MDGA2: variants seen among roughly 807,000 people sequenced by gnomAD.
The protein encoded by MDGA2 is MAM domain containing glycosylphosphatidylinositol anchor 2.
In MDGA2, 40 loss-of-function variants were observed where a neutral mutation model predicts 117.8. That is an observed-to-expected ratio of 0.34 (90% CI 0.26 to 0.44). The LOEUF is 0.44. Ranked by LOEUF, MDGA2 falls within the 20% of genes least tolerant of loss-of-function variation. The probability of loss-of-function intolerance (pLI) is 1.00; values close to 1 mark genes in which losing one functional copy is unlikely to be tolerated. For missense variants in MDGA2, 1,123 were observed against 1,250.6 expected (o/e 0.90, Z 1.54); for synonymous variants, 452 against 439.0 (o/e 1.03, Z -0.37).
rs1181119631 is a variant in MDGA2, at chr14:47,546,559, G to A, written c.280+127958C>T. Among the ~76,000 whole-genome samples, 6 of 152,160 alleles carry A rather than the reference G, an allele frequency of 3.9e-5. No individual in the cohort carries two copies. The East Asian group carries it at 9.6e-4, about 24-fold the overall frequency. On this transcript the variant is annotated intron_variant, in intron 1 of 16. Coordinates refer to ENST00000399232, the MANE Select transcript of MDGA2 (RefSeq NM_001113498.3). ...CTATGGGAAAACAAATTCAAGGACT[G>A]TATTTGGACCATCAGGAAGTAATTC...
intron 14 of MDGA2, among the ~76,000 whole-genome samples, chr14:46,859,841 T>C (rs925497232): frequency 6.6e-5 from 10 of 152,102 alleles, no homozygotes; most frequent in Non-Finnish European, 1.2e-4. Flanking sequence ...ACTTTACATA[T>C]AATGTAGTAT....
At chr14:47,354,209 T>C (rs991606468) in intron 1 of MDGA2, among the ~76,000 whole-genome samples, 1 of 152,162 alleles carries the variant, frequency 6.6e-6, no homozygotes, top group African/African-American at 2.4e-5. Context: ...TAGTGAATAT[T>C]TGAAAATTTT....
chr14:47,327,614 T>C (rs1890180711), intron 1 of MDGA2, among the ~76,000 whole-genome samples: 1 of 152,190 alleles, frequency 6.6e-6, no homozygotes, highest in African/African-American at 2.4e-5. Context: ...TTCCTGGCTC[T>C]TAGAATTGCT....
intron 1 of MDGA2, among the ~76,000 whole-genome samples, chr14:47,310,816 A>T (rs936780431): frequency 5.3e-5 from 8 of 152,084 alleles, no homozygotes; most frequent in Admixed American, 4.6e-4. Flanking sequence ...TCTTGCCTTT[A>T]TGGTACCACT....
chr14:47,029,676 G>T (rs1047987522), intron 8 of MDGA2, among the ~76,000 whole-genome samples: 6 of 151,954 alleles, frequency 3.9e-5, no homozygotes, highest in Non-Finnish European at 8.8e-5. Flanking sequence ...GAAACTAAAG[G>T]ACAGCTTATA....
At chr14:47,184,699 A>G (rs1884842515) in intron 3 of MDGA2, among the ~76,000 whole-genome samples, 1 of 151,824 alleles carries the variant, frequency 6.6e-6, no homozygotes, top group South Asian at 2.1e-4. Flanking sequence ...GTAGAGCATA[A>G]TATTCTGTCT....
intron 8 of MDGA2, among the ~76,000 whole-genome samples, chr14:46,958,193 C>G (rs1170807481): frequency 2.0e-5 from 3 of 152,122 alleles, no homozygotes; most frequent in African/African-American, 7.2e-5. Flanking sequence ...TAATGCTCAG[C>G]TGTGTCTTCC....
rs572925743 is a variant in MDGA2 at position 47,444,042 on chromosome 14, C to T, written c.281-142492G>A. On this transcript the variant is annotated intron_variant, in intron 1 of 16. Transcript: ENST00000399232. ...ACATAAGAAACACTAAAGAAGTACA[C>T]GTTTATTTTACTTTTATTTTTGTTT... The T allele has an allele frequency of 6.5e-4, 100 of 153,410 alleles. 1 individual carries two copies. The South Asian group carries it at 0.018, about 28-fold the overall frequency. The allele number at this position is 153,410 out of a possible 1,614,324, so 9.5% of individuals were successfully genotyped here.
chr14:47,628,221 T>C (rs1897186242), intron 1 of MDGA2, among the ~76,000 whole-genome samples: 1 of 152,198 alleles, frequency 6.6e-6, no homozygotes, highest in Non-Finnish European at 1.5e-5. Flanking sequence ...CCTCATCCAT[T>C]TTTATGCAAA....
chr14:46,907,212 G>A (rs1259165854), intron 10 of MDGA2, among the ~76,000 whole-genome samples: 4 of 151,768 alleles, frequency 2.6e-5, no homozygotes, highest in Admixed American at 6.6e-5. Flanking sequence ...TCCTGACCTC[G>A]GGTGATCCTC....
chr14:47,493,963 A>C (rs1894226371), intron 1 of MDGA2, among the ~76,000 whole-genome samples: 1 of 152,112 alleles, frequency 6.6e-6, no homozygotes, highest in Non-Finnish European at 1.5e-5. Context: ...GTGTTGGAGG[A>C]GGGACCTCGT....
chr14:47,119,033 T>C lies in MDGA2; in HGVS notation c.925+12681A>G, dbSNP rs957170981. On this transcript the variant is annotated intron_variant, in intron 5 of 16. Transcript: ENST00000399232. ...CTGGGATTACAGGTGTGAGCCACCA[T>C]GTCCAGCCTACATATTCTCTTTTTT... 6.7e-5 allele frequency among the ~76,000 whole-genome samples: 10 copies of C among 150,252 alleles called. No homozygotes were observed. In the East Asian group the frequency reaches 1.2e-3, roughly 18 times the overall value.
chr14:47,251,799 C>A (rs966261660), intron 2 of MDGA2, among the ~76,000 whole-genome samples: 1 of 152,124 alleles, frequency 6.6e-6, no homozygotes, highest in Non-Finnish European at 1.5e-5. Flanking sequence ...ACACAATCAA[C>A]ATAAAGAAAA....
intron 8 of MDGA2, among the ~76,000 whole-genome samples, chr14:47,017,681 A>C (rs1024970284): frequency 2.6e-5 from 4 of 152,046 alleles, no homozygotes; most frequent in African/African-American, 9.7e-5. Flanking sequence ...ATTAAAAAAA[A>C]TTGCCCTCAT....
intron 1 of MDGA2, among the ~76,000 whole-genome samples, chr14:47,315,956 A>C (rs1889797497): frequency 6.6e-6 from 1 of 151,972 alleles, no homozygotes; most frequent in African/African-American, 2.4e-5. Context: ...AACAAACAAA[A>C]AAAACTTTCC....
chr14:47,349,885 G>T (rs1169686866), intron 1 of MDGA2, among the ~76,000 whole-genome samples: 1 of 152,198 alleles, frequency 6.6e-6, no homozygotes, highest in African/African-American at 2.4e-5. Flanking sequence ...TTTGCCTGCT[G>T]CCTTCCATGT....
At chr14:47,106,627 C>A (rs1017941022) in intron 5 of MDGA2, among the ~76,000 whole-genome samples, 1 of 152,094 alleles carries the variant, frequency 6.6e-6, no homozygotes, top group African/African-American at 2.4e-5. Context: ...TGACTCCTTC[C>A]CAGATCTTCT....
rs141155046 is a variant in MDGA2, at chr14:47,624,451, C to A, written c.280+50066G>T. On this transcript the variant is annotated intron_variant, in intron 1 of 16. Transcript: ENST00000399232. ...CCAGCCTGGGCAAGAGAACGAGACT[C>A]CATCTCAAATAAGTAAACAAACAAA... Among the ~76,000 whole-genome samples the A allele has an allele frequency of 9.2e-5, 14 of 152,214 alleles. No individual in the cohort carries two copies. In the East Asian group the frequency reaches 2.5e-3, roughly 27 times the overall value.
intron 1 of MDGA2, among the ~76,000 whole-genome samples, chr14:47,349,257 G>A (rs12891181): frequency 0.27 from 40,386 of 152,092 alleles, 5,479 homozygotes; most frequent in East Asian, 0.42. Flanking sequence ...CCCTAGACAT[G>A]AGTCCAAATG....
Sources: allele counts gnomAD v4.1 joint callset (sites outside exome capture counted in the v4.1 genomes callset), GRCh38; gene constraint gnomAD v4.1.1; transcripts MANE v1.5; gene names NCBI Gene and HGNC (gene_info 2026-07-23, HGNC 2026-07-21).